The following TRIP12 variants were observed in gnomAD, a reference collection of about 807,000 sequenced individuals.
TRIP12 encodes thyroid hormone receptor interactor 12.
In TRIP12, 25 loss-of-function variants were observed where a neutral mutation model predicts 244.2. The observed-to-expected ratio is 0.10, with a 90% CI of 0.07 to 0.14. The LOEUF is 0.14. TRIP12 is among the 10% of genes least tolerant of loss of function. TRIP12 has a pLI of 1.00. For missense variants in TRIP12, 1,677 were observed against 2,486.4 expected (o/e 0.67, Z 6.92); for synonymous variants, 905 against 873.1 (o/e 1.04, Z -0.64).
intron 33 of TRIP12, among the ~76,000 whole-genome samples, 177 bp downstream of exon 33, chr2:229,787,328 A>T (rs2040356406): frequency 1.3e-5 from 2 of 152,158 alleles, no homozygotes; most frequent in Admixed American, 1.3e-4. Flanking sequence ...AGAAACTCTT[A>T]ATGAAGAATA....
chr2:229,919,634 A>C (rs990593681), intron 1 of TRIP12, among the ~76,000 whole-genome samples: 4 of 152,214 alleles, frequency 2.6e-5, no homozygotes, highest in Non-Finnish European at 5.9e-5. Context: ...AGAAAAATAA[A>C]GCCTGTTCAT....
chr2:229,878,172 C>A (rs2154352243), intron 2 of TRIP12, among the ~76,000 whole-genome samples: 1 of 152,288 alleles, frequency 6.6e-6, no homozygotes, highest in South Asian at 2.1e-4. Flanking sequence ...CACACAAAGG[C>A]TGGGCGCGGT....
chr2:229,809,138 T>C (rs2046616810), intron 15 of TRIP12, among the ~76,000 whole-genome samples: 2 of 152,230 alleles, frequency 1.3e-5, no homozygotes, highest in Admixed American at 1.3e-4. Flanking sequence ...AATCAGTAAG[T>C]TCTGTTATCA....
intron 2 of TRIP12, among the ~76,000 whole-genome samples, chr2:229,864,047 A>AGAGAGTGT: frequency 1.1e-3 from 87 of 79,312 alleles, no homozygotes; most frequent in Admixed American, 1.7e-3. Context: ...AGAGAGAGAG[A>AGAGAGTGT]GTGTGTGTGT....
intron 2 of TRIP12, among the ~76,000 whole-genome samples, chr2:229,864,047 A>AGAGTGAGTGTGTGT: frequency 7.2e-4 from 57 of 79,314 alleles, no homozygotes; most frequent in Admixed American, 1.4e-3. Flanking sequence ...AGAGAGAGAG[A>AGAGTGAGTGTGTGT]GTGTGTGTGT....
chr2:229,879,842 G>C, intron 2 of TRIP12, 140 bp downstream of exon 2: 1 of 864,710 alleles, frequency 1.2e-6, no homozygotes, highest in Non-Finnish European at 1.8e-6. Flanking sequence ...ATTCCAGTTT[G>C]CTTTTAAGTA....
intron 4 of TRIP12, among the ~76,000 whole-genome samples, chr2:229,855,376 A>G (rs2059416845): frequency 6.6e-6 from 1 of 152,222 alleles, no homozygotes; most frequent in African/African-American, 2.4e-5. Flanking sequence ...TTAAAAGCAC[A>G]GTAAATACAT....
At position 229,859,113 on chromosome 2, in the gene TRIP12, T is replaced by C. The variant is rs199726371; in HGVS notation, c.686A>G (p.Lys229Arg). Reference sequence around the variant, plus strand: ...ATCAGTGATGGTGCTACACCCAGCTTTGGCTGAGGTGGCTGATTTTGAAGC... The same window carrying C: ...ATCAGTGATGGTGCTACACCCAGCTCTGGCTGAGGTGGCTGATTTTGAAGC... ...KLASKSATSAKAGCSTITDSS... is the reference protein window; with the variant it reads ...KLASKSATSARAGCSTITDSS... The change falls in exon 4 of 42, where the codon AAA becomes AGA. Residue 229 changes from lysine (K) to arginine (R), a missense_variant. Coordinates refer to ENST00000675903, the MANE Select transcript of TRIP12 (RefSeq NM_001348323.3). The C allele has an allele frequency of 7.4e-6, 12 of 1,614,206 alleles. No individual in the cohort carries two copies. Among genetic ancestry groups the C allele is most frequent in the Middle Eastern group, 1.6e-4 (1 of 6,062 alleles).
In TRIP12 at chr2:229,778,764, A is replaced by G; in HGVS notation, c.5209+112T>C. On this transcript the variant is annotated intron_variant, in intron 35 of 41. Transcript: ENST00000675903. The surrounding 1 kb of genome is among the most constrained non-coding windows in gnomAD (Gnocchi z 4.1). Reference sequence around the variant, plus strand: ...TTTGATAAATGAGAAAACAGAGGCTAAAAGAAAGCAAGTACAGCTGTCCAT... The same window carrying G: ...TTTGATAAATGAGAAAACAGAGGCTGAAAGAAAGCAAGTACAGCTGTCCAT... 1 of 1,345,984 alleles carries G rather than the reference A, an allele frequency of 7.4e-7. No individual in the cohort carries two copies. Among genetic ancestry groups the G allele is most frequent in the African/African-American group, 1.5e-5 (1 of 68,524 alleles). 83.4% of individuals were successfully genotyped at this position (1,345,984 alleles called of 1,614,324 possible).
Position 229,856,112 on chromosome 2 carries a change from T to A in TRIP12, c.1027+2660A>T, listed in dbSNP as rs550211724. ...AGAATATGTAACTGCATATGTAAAA[T>A]ACCTGGTACTTATTTTATGCTACAC... On this transcript the variant is annotated intron_variant, in intron 4 of 41. Coordinates refer to ENST00000675903, the MANE Select transcript of TRIP12 (RefSeq NM_001348323.3). Among the ~76,000 whole-genome samples, 3 of 151,250 alleles carry A rather than the reference T, an allele frequency of 2.0e-5. No homozygotes were observed. The East Asian group carries it at 5.8e-4, about 29-fold the overall frequency.
chr2:229,815,694 C>T (rs2048332253), intron 9 of TRIP12, among the ~76,000 whole-genome samples: 1 of 150,396 alleles, frequency 6.6e-6, no homozygotes, highest in Non-Finnish European at 1.5e-5. Context: ...CAGCAATGCA[C>T]TGACATTTGT....
intron 29 of TRIP12, 22 bp downstream of exon 29, chr2:229,791,844 A>T: frequency 1.2e-6 from 2 of 1,605,904 alleles, no homozygotes; most frequent in South Asian, 2.2e-5. Flanking sequence ...GAAAAAACAA[A>T]AGAAAGAATT....
At chr2:229,868,024 T>A (rs1309527877) in intron 2 of TRIP12, among the ~76,000 whole-genome samples, 2 of 152,196 alleles carry the variant, frequency 1.3e-5, no homozygotes, top group East Asian at 3.8e-4. Context: ...AGCACCATAT[T>A]ATCTTGCCTC....
intron 2 of TRIP12, among the ~76,000 whole-genome samples, chr2:229,863,062 T>C (rs1189013372): frequency 6.6e-6 from 1 of 151,876 alleles, no homozygotes; most frequent in Non-Finnish European, 1.5e-5. Flanking sequence ...ACCCCGTCTC[T>C]AATAAAAACT....
intron 1 of TRIP12, among the ~76,000 whole-genome samples, chr2:229,909,367 G>A (rs2154376034): frequency 6.7e-6 from 1 of 149,854 alleles, no homozygotes; most frequent in South Asian, 2.1e-4. Context: ...GCAACATAGG[G>A]ACACCCTGGC....
At chr2:229,828,530 G>A (rs1205627387) in intron 8 of TRIP12, among the ~76,000 whole-genome samples, 1 of 152,062 alleles carries the variant, frequency 6.6e-6, no homozygotes, top group Non-Finnish European at 1.5e-5. Flanking sequence ...CCAGCACTTT[G>A]GGAGGCCAAG....
intron 39 of TRIP12, 89 bp from the exon 40 acceptor site, chr2:229,769,414 G>GT (rs2033277141): frequency 5.4e-6 from 6 of 1,116,476 alleles, no homozygotes; most frequent in Admixed American, 2.1e-5. Flanking sequence ...CCATAAAAGA[G>GT]TATCAGTCTC....
In TRIP12 at chr2:229,805,771, G is replaced by T; in HGVS notation, c.2609C>A (p.Ala870Asp). 1.9e-6 allele frequency: 3 copies of T among 1,607,396 alleles called. No homozygotes were observed. The highest frequency in any genetic ancestry group is 2.6e-6 in the Non-Finnish European group (3 of 1,174,894). Residue 870 changes from alanine to aspartate, a missense_variant, in exon 18 of 42, where the codon GCC becomes GAC. Coordinates refer to ENST00000675903, the MANE Select transcript of TRIP12 (RefSeq NM_001348323.3). ...TAACGGGTTAGGTTTTCTCTGAATGGCACGTGCTGTTCCCGTGTCCTCATT... is the reference window on the plus strand; with the variant it reads ...TAACGGGTTAGGTTTTCTCTGAATGTCACGTGCTGTTCCCGTGTCCTCATT... The part of the protein sequence containing the change: ...QINEDTGTAR[A>D]IQRKPNPLAN...
At chr2:229,804,359 G>A in intron 18 of TRIP12, 132 bp from the exon 19 acceptor site, 2 of 705,088 alleles carry the variant, frequency 2.8e-6, no homozygotes, top group Admixed American at 3.1e-5. Flanking sequence ...TAGAACACAT[G>A]AACTTCTATG....
Sources: gnomAD v4.1 joint callset for allele counts (sites outside exome capture counted in the v4.1 genomes callset) on GRCh38, gnomAD v4.1.1 for gene constraint, Gnocchi (gnomAD v3.1) non-coding constraint, MANE v1.5 for transcripts, NCBI Gene and HGNC (gene_info 2026-07-23, HGNC 2026-07-21) for gene names.